STK31: variants seen among roughly 807,000 people sequenced by gnomAD.
The protein encoded by STK31 is serine/threonine kinase 31.
In STK31, 89 loss-of-function variants were observed where a neutral mutation model predicts 129.7. The ratio of observed to expected loss-of-function variants is 0.69; its 90% CI spans 0.58 to 0.82. The LOEUF is 0.82. Among genes scored for constraint, STK31 ranks in the 40% least tolerant of loss-of-function variants. STK31 has a pLI of 0.00. For missense variants in STK31, 1,187 were observed against 1,176.4 expected (o/e 1.01, Z -0.13); for synonymous variants, 448 against 395.3 (o/e 1.13, Z -1.58).
intron 22 of STK31, among the ~76,000 whole-genome samples, chr7:23,807,451 T>C (rs1164879350): frequency 1.3e-5 from 2 of 152,210 alleles, no homozygotes; most frequent in African/African-American, 4.8e-5. Context: ...TAATATTACA[T>C]TTCTCTCTAA....
intron 22 of STK31, among the ~76,000 whole-genome samples, chr7:23,806,089 A>G (rs1209064104): frequency 6.6e-6 from 1 of 152,174 alleles, no homozygotes; most frequent in Non-Finnish European, 1.5e-5. Flanking sequence ...GGCAGTCTTC[A>G]CTGAAGCCAA....
chr7:23,720,344 A>T (rs1328399381), intron 4 of STK31, among the ~76,000 whole-genome samples: 1 of 152,182 alleles, frequency 6.6e-6, no homozygotes, highest in African/African-American at 2.4e-5. Context: ...ATAAATACTC[A>T]GATAAGTTGG....
intron 4 of STK31, chr7:23,726,122 T>G (rs1444867751): frequency 6.6e-6 from 1 of 152,206 alleles, no homozygotes; most frequent in Non-Finnish European, 1.5e-5. Context: ...GAATCAGATT[T>G]TAACATGAGA....
chr7:23,806,703 A>T (rs1382867653), intron 22 of STK31, among the ~76,000 whole-genome samples: 2 of 152,068 alleles, frequency 1.3e-5, no homozygotes, highest in African/African-American at 4.8e-5. Context: ...GATAGAGACC[A>T]TCCTGGTTAA....
At chr7:23,773,229 T>C (rs528324545) in intron 15 of STK31, among the ~76,000 whole-genome samples, 1 of 152,220 alleles carries the variant, frequency 6.6e-6, no homozygotes, top group Non-Finnish European at 1.5e-5. Context: ...GTGTGTGATG[T>C]TCCCCTCCCT....
intron 23 of STK31, among the ~76,000 whole-genome samples, chr7:23,825,209 C>A (rs1193510258): frequency 6.6e-6 from 1 of 152,188 alleles, no homozygotes; most frequent in Non-Finnish European, 1.5e-5. Flanking sequence ...TAGAATTTAG[C>A]TGTGAATCCA....
intron 3 of STK31, among the ~76,000 whole-genome samples, chr7:23,712,964 G>A (rs947340047): frequency 6.6e-6 from 1 of 152,150 alleles, no homozygotes; most frequent in Non-Finnish European, 1.5e-5. Flanking sequence ...TTGGTGGGGG[G>A]TGAGGTGAAC....
chr7:23,819,061 T>G (rs1451619693), intron 23 of STK31, among the ~76,000 whole-genome samples: 2 of 152,202 alleles, frequency 1.3e-5, no homozygotes, highest in Non-Finnish European at 2.9e-5. Context: ...TAAGTCAACT[T>G]AGGGAAAATT....
chr7:23,792,008 A>G lies in STK31; in HGVS notation c.2760+1062A>G, dbSNP rs143027692. ...GTAGTATGCATGTGCATGAAATAGT[A>G]TTCCTTCAGTTTGCTATTAAACATT... On this transcript the variant is annotated intron_variant, in intron 22 of 23. Transcript: ENST00000355870. Among the ~76,000 whole-genome samples the G allele has an allele frequency of 2.0e-3, 299 of 152,346 alleles. 1 individual carries two copies. The highest frequency in any genetic ancestry group is 6.9e-3 in the African/African-American group (285 of 41,584).
At chr7:23,804,643 G>A (rs1226919598) in intron 22 of STK31, among the ~76,000 whole-genome samples, 2 of 152,056 alleles carry the variant, frequency 1.3e-5, no homozygotes, top group Non-Finnish European at 2.9e-5. Flanking sequence ...TGGTCATACT[G>A]ATCACCCAGT....
In STK31 at chr7:23,817,092, G is replaced by A. The variant is rs181100783; in HGVS notation, c.2829+1880G>A. On this transcript the variant is annotated intron_variant, in intron 23 of 23. Coordinates refer to ENST00000355870, the MANE Select transcript of STK31 (RefSeq NM_031414.5). ...AGTCCCAGCTACTTGGGAATCTGAG[G>A]CAGGAGAATCACTTGAACCTGGGAG... Among the ~76,000 whole-genome samples, 5 of 152,228 alleles carry A rather than the reference G, an allele frequency of 3.3e-5. No individual in the cohort carries two copies. The East Asian group carries it at 9.7e-4, about 29-fold the overall frequency.
intron 22 of STK31, among the ~76,000 whole-genome samples, chr7:23,808,820 G>T (rs1346039629): frequency 6.6e-6 from 1 of 152,072 alleles, no homozygotes; most frequent in East Asian, 1.9e-4. Context: ...GATGGGATAG[G>T]GGGCAGTTTT....
At chr7:23,746,427 A>G (rs561009118) in intron 8 of STK31, among the ~76,000 whole-genome samples, 1 of 152,088 alleles carries the variant, frequency 6.6e-6, no homozygotes, top group South Asian at 2.1e-4. Context: ...GTTTCCTGTC[A>G]CTTCTCTGTT....
chr7:23,762,002 G>A (rs1236921951), intron 10 of STK31, among the ~76,000 whole-genome samples: 1 of 151,234 alleles, frequency 6.6e-6, no homozygotes, highest in African/African-American at 2.4e-5. Flanking sequence ...TTGAGCTTAT[G>A]CAAGAAAAAA....
At position 23,832,442 on chromosome 7, in the gene STK31, T is replaced by TTC; in HGVS notation, c.*78_*79dup. On this transcript the variant is annotated 3_prime_UTR_variant, in exon 24 of 24. Transcript: ENST00000355870. ...TAATACACAGAAATATCTAGAAATG[T>TTC]TCTGGGACTAGTTGAGTTGTATCTT... The TTC allele has an allele frequency of 9.5e-7, 1 of 1,047,602 alleles. No individual in the cohort carries two copies. The highest frequency in any genetic ancestry group is 1.4e-6 in the Non-Finnish European group (1 of 706,482). The allele number at this position is 1,047,602 out of a possible 1,614,324, so 64.9% of individuals were successfully genotyped here.
Position 23,824,380 on chromosome 7 carries a change from G to C in STK31, c.2830-7756G>C, listed in dbSNP as rs377326084. Among the ~76,000 whole-genome samples the C allele has an allele frequency of 3.9e-3, 599 of 152,210 alleles. 2 individuals carry two copies. The highest frequency in any genetic ancestry group is 6.1e-3 in the Non-Finnish European group (417 of 67,984). On this transcript the variant is annotated intron_variant, in intron 23 of 23. Coordinates refer to ENST00000355870, the MANE Select transcript of STK31 (RefSeq NM_031414.5). ...AAGCAATTGTGAATGGGAGTTCACT[G>C]ATGATTTGACTCTCTGTTTGTTTGT...
In STK31 at chr7:23,748,235, A is replaced by G. The variant is rs533647664; in HGVS notation, c.1018-4482A>G. 3.3e-5 allele frequency among the ~76,000 whole-genome samples: 5 copies of G among 152,164 alleles called. No individual in the cohort carries two copies. The East Asian group carries it at 9.6e-4, about 29-fold the overall frequency. ...ATTAGTAATGTTGGTTAATCCTTAC[A>G]TGTTTTGAGATTTTTTTCAATTATC... On this transcript the variant is annotated intron_variant, in intron 8 of 23. Transcript: ENST00000355870.
At chr7:23,733,634 C>G (rs2128078441) in intron 6 of STK31, among the ~76,000 whole-genome samples, 1 of 151,854 alleles carries the variant, frequency 6.6e-6, no homozygotes, top group South Asian at 2.1e-4. Context: ...TGGTGAAACC[C>G]CATCTCTACT....
At chr7:23,735,246 A>G (rs1271474362) in intron 6 of STK31, among the ~76,000 whole-genome samples, 1 of 152,160 alleles carries the variant, frequency 6.6e-6, no homozygotes, top group African/African-American at 2.4e-5. Context: ...AAAGTAATCA[A>G]TGTAATCTGC....
Sources: allele counts gnomAD v4.1 joint callset (sites outside exome capture counted in the v4.1 genomes callset), GRCh38; gene constraint gnomAD v4.1.1; transcripts MANE v1.5; gene names NCBI Gene and HGNC (gene_info 2026-07-23, HGNC 2026-07-21).